Variants in OSBPL9 observed in about 807,000 individuals in gnomAD.
OSBPL9 encodes the protein oxysterol-binding protein-related protein 9.
A neutral mutation model predicts 106.6 loss-of-function variants in OSBPL9; 40 were observed. The observed-to-expected ratio is 0.38, with a 90% CI of 0.29 to 0.49. OSBPL9 has a LOEUF of 0.49. OSBPL9 is among the 20% of genes least tolerant of loss of function. The pLI, the probability that OSBPL9 is intolerant of heterozygous loss-of-function variation, is 0.97. For synonymous variants in OSBPL9, 269 were observed against 295.4 expected, an observed-to-expected ratio of 0.91 and a Z score of 0.92; for missense variants, 609 against 887.2, an observed-to-expected ratio of 0.69 and a Z score of 3.98.
At chr1:51,736,200 C>A (rs185921283) in intron 4 of OSBPL9, among the ~76,000 whole-genome samples, 26 of 152,256 alleles carry the variant, frequency 1.7e-4, no homozygotes, top group African/African-American at 5.8e-4. Context: ...TATTTTATAT[C>A]ATCTTGATAG....
the OSBPL9 span, chr1:51,561,786 G>A: frequency 6.6e-6 from 1 of 152,182 alleles, no homozygotes; most frequent in Non-Finnish European, 1.5e-5. Context: ...GGCTTATAAA[G>A]ACCAAGACTT....
intron 1 of OSBPL9, among the ~76,000 whole-genome samples, chr1:51,644,078 TAAAAAAAA>T (rs968921768): frequency 2.3e-5 from 1 of 43,222 alleles, no homozygotes; most frequent in African/African-American, 1.0e-4. Flanking sequence ...AGACCTTGTC[TAAAAAAAA>T]AAAAAAAAAA....
intron 1 of OSBPL9, among the ~76,000 whole-genome samples, chr1:51,597,973 G>A (rs1570537696): frequency 6.6e-6 from 1 of 152,228 alleles, no homozygotes; most frequent in East Asian, 1.9e-4. Flanking sequence ...AATTTAGGAT[G>A]AAAGAAGCCT....
Position 51,617,117 on chromosome 1 carries a change from T to C in OSBPL9, c.7T>C (p.Ser3Pro). 6.3e-7 allele frequency: 1 copy of C among 1,582,286 alleles called. No homozygotes were observed. Among genetic ancestry groups the C allele is most frequent in the Non-Finnish European group, 8.6e-7 (1 of 1,161,480 alleles). The change falls in exon 1 of 24, where the codon TCC becomes CCC. Residue 3 changes from serine (S) to proline (P), a missense_variant. Transcript: ENST00000428468. ...GTCATTGGCGGCTCCCAAGATGGCG[T>C]CCATCATGGAAGGGCCGCTGAGCAA... is the stretch of plus-strand genomic sequence containing the variant. Reference protein sequence around the residue: MASIMEGPLSKWT... With the variant: MAPIMEGPLSKWT...
chr1:51,741,594 C>G (rs1260013468), intron 4 of OSBPL9, among the ~76,000 whole-genome samples: 5 of 149,436 alleles, frequency 3.3e-5, no homozygotes, highest in Admixed American at 1.3e-4. Flanking sequence ...GAGGGTCTTA[C>G]CCTGTGCCCA....
intron 9 of OSBPL9, among the ~76,000 whole-genome samples, chr1:51,759,035 C>T (rs946352276): frequency 6.6e-6 from 1 of 151,974 alleles, no homozygotes; most frequent in East Asian, 1.9e-4. Flanking sequence ...AGATTCTAAG[C>T]TATTAAAAAC....
At position 51,588,274 on chromosome 1, in the gene OSBPL9, C is replaced by T. The variant is rs1029567500; in HGVS notation, c.-422-9850C>T. ...GCGCATGCCTGTAATCCCAGCTACT[C>T]GGGAGGCTGAGGCAGGAGAATTGCT... On this transcript the variant is annotated intron_variant, in intron 1 of 25. Transcript: ENST00000371714. Among the ~76,000 whole-genome samples, 18 of 152,232 alleles carry T rather than the reference C, an allele frequency of 1.2e-4. No homozygotes were observed. In the East Asian group the frequency reaches 1.9e-3, roughly 16 times the overall value.
chr1:51,537,651 A>T, the OSBPL9 span, among the ~76,000 whole-genome samples: 3 of 152,104 alleles, frequency 2.0e-5, no homozygotes, highest in Admixed American at 1.3e-4. Flanking sequence ...TGAACTCCTG[A>T]GATCACCTCA....
chr1:51,599,883 C>T (rs571616127), intron 2 of OSBPL9, among the ~76,000 whole-genome samples: 1 of 152,324 alleles, frequency 6.6e-6, no homozygotes, highest in South Asian at 2.1e-4. Context: ...GTGTCAACTC[C>T]TCTCTGAAAG....
intron 1 of OSBPL9, 100 bp from the exon 2 acceptor site, chr1:51,651,891 G>C: frequency 2.3e-6 from 2 of 852,566 alleles, no homozygotes; most frequent in Non-Finnish European, 3.8e-6. Flanking sequence ...GAAGGGATGG[G>C]TATTACTGTA....
At chr1:51,594,370 C>T (rs1397643479) in intron 1 of OSBPL9, among the ~76,000 whole-genome samples, 2 of 151,968 alleles carry the variant, frequency 1.3e-5, no homozygotes, top group South Asian at 2.1e-4. Flanking sequence ...CCATTGCACT[C>T]CAGCCTAGGT....
the OSBPL9 span, among the ~76,000 whole-genome samples, chr1:51,538,935 G>C: frequency 8.3e-4 from 126 of 152,194 alleles, 3 homozygotes; most frequent in East Asian, 0.024. Context: ...TCTCTTCGCA[G>C]GTCTGTCCTC....
intron 20 of OSBPL9, 169 bp from the exon 21 acceptor site, chr1:51,785,639 C>T (rs887277722): frequency 1.7e-6 from 1 of 584,828 alleles, no homozygotes; most frequent in Non-Finnish European, 3.0e-6. Flanking sequence ...CTGTTGAAGG[C>T]CCTCATTCTT....
chr1:51,707,075 G>T, intron 3 of OSBPL9: 1 of 225,408 alleles, frequency 4.4e-6, no homozygotes, highest in Non-Finnish European at 9.5e-6. Context: ...TTCCCCAGCA[G>T]CTGAGGTCCT....
chr1:51,775,535 T>G (rs901137071), intron 14 of OSBPL9, among the ~76,000 whole-genome samples: 3 of 152,194 alleles, frequency 2.0e-5, no homozygotes, highest in African/African-American at 4.8e-5. Flanking sequence ...TTTGTCACAT[T>G]CCACCTACAA....
In OSBPL9 at chr1:51,785,897, C is replaced by T; in HGVS notation, c.1908+11C>T. ...AAATATGCAACAGGGGTAAGATCCT[C>T]TATTTTGCCACTTGTTTTAGGCTAC... is the stretch of plus-strand genomic sequence containing the variant. On this transcript the variant is annotated intron_variant, in intron 21 of 23. Coordinates refer to ENST00000428468, the MANE Select transcript of OSBPL9 (RefSeq NM_024586.6). 6.2e-7 allele frequency: 1 copy of T among 1,606,508 alleles called. No individual in the cohort carries two copies. The highest frequency in any genetic ancestry group is 8.5e-7 in the Non-Finnish European group (1 of 1,175,930).
intron 3 of OSBPL9, among the ~76,000 whole-genome samples, chr1:51,710,600 T>G (rs2148881295): frequency 6.6e-6 from 1 of 152,346 alleles, no homozygotes; most frequent in Middle Eastern, 3.4e-3. Flanking sequence ...AGTCTGAAAA[T>G]GAGTTTATTT....
intron 2 of OSBPL9, among the ~76,000 whole-genome samples, chr1:51,611,318 C>G (rs191281062): frequency 7.4e-4 from 112 of 151,212 alleles, no homozygotes; most frequent in African/African-American, 2.7e-3. Flanking sequence ...TAAGCATGAT[C>G]TTGTTTCCTC....
chr1:51,666,143 C>T (rs1166202144), intron 2 of OSBPL9, among the ~76,000 whole-genome samples: 21 of 152,140 alleles, frequency 1.4e-4, no homozygotes, highest in Non-Finnish European at 2.4e-4. Flanking sequence ...CCGCCGCACC[C>T]GGCCTCCGGA....
Sources: allele counts gnomAD v4.1 joint callset (sites outside exome capture counted in the v4.1 genomes callset), GRCh38; gene constraint gnomAD v4.1.1; transcripts MANE v1.5; gene names NCBI Gene and HGNC (gene_info 2026-07-23, HGNC 2026-07-21).